The following EPS8 variants were observed in gnomAD, a reference collection of about 807,000 sequenced individuals.
EPS8 encodes the protein EGFR pathway substrate 8, signaling adaptor, also known as epidermal growth factor receptor kinase substrate 8.
Under a neutral mutation model 103.8 loss-of-function variants are expected in EPS8, and 42 were observed. The observed-to-expected ratio is 0.40, with a 90% CI of 0.32 to 0.52. The LOEUF is 0.52. EPS8 is among the 20% of genes least tolerant of loss of function. The pLI, the probability that EPS8 is intolerant of heterozygous loss-of-function variation, is 0.40. For missense variants in EPS8, 969 were observed against 1,005.1 expected (o/e 0.96, Z 0.49); for synonymous variants, 344 against 344.6 (o/e 1.00, Z 0.02).
intron 1 of EPS8, among the ~76,000 whole-genome samples, chr12:15,758,788 G>A (rs1316596142): frequency 6.6e-6 from 1 of 152,194 alleles, no homozygotes; most frequent in South Asian, 2.1e-4. Flanking sequence ...GGTTATGTAG[G>A]AGAATGTCCT....
At chr12:15,631,011 C>T (rs558283464) in intron 18 of EPS8, among the ~76,000 whole-genome samples, 1 of 152,322 alleles carries the variant, frequency 6.6e-6, no homozygotes, top group South Asian at 2.1e-4. Context: ...CTGAGAAGCA[C>T]TGAAGTAGAT....
chr12:15,663,988 T>C (rs865974683), intron 8 of EPS8, among the ~76,000 whole-genome samples: 26 of 112,046 alleles, frequency 2.3e-4, no homozygotes, highest in Admixed American at 7.1e-4. Context: ...CACACACACA[T>C]ATATATATGG....
At chr12:15,756,019 A>G (rs1353423153) in intron 1 of EPS8, among the ~76,000 whole-genome samples, 1 of 152,162 alleles carries the variant, frequency 6.6e-6, no homozygotes, top group Non-Finnish European at 1.5e-5. Flanking sequence ...CTCTAATCAC[A>G]TCTTCCCTCT....
At chr12:15,722,399 C>A (rs769848220) in intron 1 of EPS8, among the ~76,000 whole-genome samples, 11 of 152,024 alleles carry the variant, frequency 7.2e-5, no homozygotes, top group Non-Finnish European at 1.3e-4. Context: ...TCATAAAAAT[C>A]TGCAACTGAA....
intron 13 of EPS8, among the ~76,000 whole-genome samples, chr12:15,651,683 A>G (rs1945417755): frequency 2.0e-5 from 3 of 152,224 alleles, no homozygotes; most frequent in Admixed American, 2.0e-4. Context: ...AACTAGGACA[A>G]AAACGAGGGC....
chr12:15,767,907 T>C lies in EPS8; in HGVS notation c.-22+21254A>G, dbSNP rs1235234881. Among the ~76,000 whole-genome samples, 1 of 152,248 alleles carries C rather than the reference T, an allele frequency of 6.6e-6. No homozygotes were observed. Among genetic ancestry groups the C allele is most frequent in the Non-Finnish European group, 1.5e-5 (1 of 68,046 alleles). On this transcript the variant is annotated intron_variant, in intron 1 of 20. Coordinates refer to ENST00000281172, the MANE Select transcript of EPS8 (RefSeq NM_004447.6). This position sits in a 1 kb window ranked among gnomAD's most constrained non-coding sequence, Gnocchi z 5.5. ...GAATAAAATAGATATTTTTGGTTGTTATTTTACAAATAAAGTTTTCCATTC... is the reference window on the plus strand; with the variant it reads ...GAATAAAATAGATATTTTTGGTTGTCATTTTACAAATAAAGTTTTCCATTC...
At chr12:15,666,579 T>C in intron 6 of EPS8, 57 bp from the exon 7 acceptor site, 2 of 1,262,132 alleles carry the variant, frequency 1.6e-6, no homozygotes, top group Non-Finnish European at 2.3e-6. Flanking sequence ...TCTTGATATG[T>C]AGTTTAAAAC....
chr12:15,761,388 C>T lies in EPS8; in HGVS notation c.-22+27773G>A, dbSNP rs371036502. On this transcript the variant is annotated intron_variant, in intron 1 of 20. Coordinates refer to ENST00000281172, the MANE Select transcript of EPS8 (RefSeq NM_004447.6). The surrounding 1 kb of genome is among the most constrained non-coding windows in gnomAD (Gnocchi z 4.5). ...AGCAATCTACAGATTCAATGAAATCCCTGTCAAAATATCCATGACATTCTT... is the reference window on the plus strand; with the variant it reads ...AGCAATCTACAGATTCAATGAAATCTCTGTCAAAATATCCATGACATTCTT... 6.6e-6 allele frequency among the ~76,000 whole-genome samples: 1 copy of T among 151,948 alleles called. No individual in the cohort carries two copies. The highest frequency in any genetic ancestry group is 1.9e-4 in the East Asian group (1 of 5,186).
chr12:15,669,946 C>T, intron 4 of EPS8, 121 bp from the exon 5 acceptor site: 1 of 651,418 alleles, frequency 1.5e-6, no homozygotes. Flanking sequence ...ACGACAAACA[C>T]AAAGTACTCT....
At chr12:15,641,069 C>G (rs1363698011) in intron 16 of EPS8, among the ~76,000 whole-genome samples, 1 of 152,048 alleles carries the variant, frequency 6.6e-6, no homozygotes, top group East Asian at 1.9e-4. Context: ...TCCATTTTAC[C>G]TCCAAAGAAC....
chr12:15,729,257 C>G (rs113248105), intron 1 of EPS8, among the ~76,000 whole-genome samples: 1,870 of 152,242 alleles, frequency 0.012, 31 homozygotes, highest in African/African-American at 0.037. Context: ...CTTGGCGTCT[C>G]TCATTAATTT....
chr12:15,621,834 T>C (rs753202975), intron 20 of EPS8, among the ~76,000 whole-genome samples: 10 of 152,174 alleles, frequency 6.6e-5, no homozygotes, highest in Non-Finnish European at 1.3e-4. Flanking sequence ...CAGAGTGGGC[T>C]CAGAATTCAC....
intron 1 of EPS8, chr12:15,683,501 T>C (rs1354733596): frequency 6.6e-6 from 1 of 152,294 alleles, no homozygotes; most frequent in South Asian, 2.1e-4. Context: ...TTATTTCTTC[T>C]TTCCTTCAAA....
chr12:15,741,779 TG>T (rs1031348551), intron 1 of EPS8, among the ~76,000 whole-genome samples: 18 of 152,130 alleles, frequency 1.2e-4, no homozygotes, highest in African/African-American at 4.3e-4. Flanking sequence ...TTGTTACATA[TG>T]TATACATGTG....
At chr12:15,672,055 C>T (rs1235402550) in intron 3 of EPS8, among the ~76,000 whole-genome samples, 1 of 152,092 alleles carries the variant, frequency 6.6e-6, no homozygotes, top group Non-Finnish European at 1.5e-5. Context: ...GGCCTTTAAG[C>T]CATTAACATT....
At chr12:15,659,561 A>T (rs1372077346) in intron 10 of EPS8, among the ~76,000 whole-genome samples, 1 of 152,182 alleles carries the variant, frequency 6.6e-6, no homozygotes, top group Non-Finnish European at 1.5e-5. Flanking sequence ...AGGAAGCAAT[A>T]GTACTTAATT....
chr12:15,734,122 T>C lies in EPS8; in HGVS notation c.-21-51150A>G, dbSNP rs1331068655. ...CCCCAAAGTTCTGGGATTACAGGAC[T>C]GAGTCATCATGCCTGGCCAGAAAAT... On this transcript the variant is annotated intron_variant, in intron 1 of 20. Transcript: ENST00000281172. The surrounding 1 kb of genome is among the most constrained non-coding windows in gnomAD (Gnocchi z 4.1). Among the ~76,000 whole-genome samples the C allele has an allele frequency of 6.6e-6, 1 of 152,172 alleles. No individual in the cohort carries two copies.
chr12:15,788,022 T>C (rs1474614336), intron 1 of EPS8: 1 of 152,216 alleles, frequency 6.6e-6, no homozygotes, highest in Non-Finnish European at 1.5e-5. Context: ...TGTGGAAGAA[T>C]GGAGTCCTTT....
At chr12:15,640,598 A>G in intron 17 of EPS8, 105 bp downstream of exon 17, 1 of 1,001,722 alleles carries the variant, frequency 1.0e-6, no homozygotes, top group Middle Eastern at 2.5e-4. Flanking sequence ...TATATAACCA[A>G]CTACATCTCA....
Sources: gnomAD v4.1 joint callset for allele counts (sites outside exome capture counted in the v4.1 genomes callset) on GRCh38, gnomAD v4.1.1 for gene constraint, Gnocchi (gnomAD v3.1) non-coding constraint, MANE v1.5 for transcripts, NCBI Gene and HGNC (gene_info 2026-07-23, HGNC 2026-07-21) for gene names.